Variants in CNBD1 observed in about 807,000 individuals in gnomAD.
CNBD1 encodes cyclic nucleotide-binding domain-containing protein 1.
CNBD1 carries 71 observed loss-of-function variants against 54.4 expected under a neutral mutation model. The ratio of observed to expected loss-of-function variants is 1.30; its 90% CI spans 1.08 to 1.59. The LOEUF is 1.59. CNBD1 is among the 40% of genes most tolerant of loss of function. CNBD1 has a pLI of 0.00. For missense variants in CNBD1, 659 were observed against 518.0 expected (o/e 1.27, Z -2.64); for synonymous variants, 182 against 170.7 (o/e 1.07, Z -0.51).
chr8:87,071,662 C>T (rs1810761789), intron 4 of CNBD1, among the ~76,000 whole-genome samples: 2 of 152,080 alleles, frequency 1.3e-5, no homozygotes, highest in Admixed American at 1.3e-4. Context: ...AATTTGATTG[C>T]ACTGTGGTTT....
rs1358170721 is a variant in CNBD1, at chr8:87,382,691, A to T, written c.*64A>T. ...ATTGACTAAATAATGGAATAATTGC[A>T]TTCTGGAATACTATCAAACTACCAG... On this transcript the variant is annotated 3_prime_UTR_variant, in exon 11 of 11. Coordinates refer to ENST00000518476, the MANE Select transcript of CNBD1 (RefSeq NM_173538.3). The T allele has an allele frequency of 5.8e-6, 7 of 1,202,384 alleles. No homozygotes were observed. Among genetic ancestry groups the T allele is most frequent in the East Asian group, 5.1e-5 (2 of 38,884 alleles). 74.5% of individuals were successfully genotyped at this position (1,202,384 alleles called of 1,614,324 possible).
intron 4 of CNBD1, among the ~76,000 whole-genome samples, chr8:87,137,605 G>A (rs2130734859): frequency 6.6e-6 from 1 of 152,260 alleles, no homozygotes; most frequent in African/African-American, 2.4e-5. Context: ...CCAAAACCAA[G>A]GAGTCAGGGA....
chr8:87,328,161 G>A (rs1809726360), intron 8 of CNBD1, among the ~76,000 whole-genome samples: 1 of 151,802 alleles, frequency 6.6e-6, no homozygotes, highest in South Asian at 2.1e-4. Flanking sequence ...AACAGGCCCT[G>A]GTGTGTGATG....
chr8:87,278,026 A>G (rs1408329096), intron 6 of CNBD1, among the ~76,000 whole-genome samples: 8 of 151,706 alleles, frequency 5.3e-5, no homozygotes, highest in Non-Finnish European at 7.4e-5. Flanking sequence ...TTCATAACTT[A>G]AAAATGTAAA....
At chr8:87,376,195 A>C (rs925618324) in intron 10 of CNBD1, among the ~76,000 whole-genome samples, 1 of 151,956 alleles carries the variant, frequency 6.6e-6, no homozygotes, top group Non-Finnish European at 1.5e-5. Context: ...TGGCTTAAAC[A>C]ACAAACGTTT....
At chr8:87,233,631 A>G (rs1181987402) in intron 5 of CNBD1, among the ~76,000 whole-genome samples, 1 of 151,830 alleles carries the variant, frequency 6.6e-6, no homozygotes, top group Non-Finnish European at 1.5e-5. Flanking sequence ...GTTGCAGCAA[A>G]TTCTCTCTCT....
At chr8:86,879,851 G>A (rs543969201) in intron 1 of CNBD1, among the ~76,000 whole-genome samples, 67 of 147,890 alleles carry the variant, frequency 4.5e-4, no homozygotes, top group African/African-American at 1.6e-3. Flanking sequence ...CAGCCTGGGC[G>A]ACAGAGCGAG....
chr8:86,916,712 T>C (rs1016471206), intron 3 of CNBD1, among the ~76,000 whole-genome samples: 1 of 148,748 alleles, frequency 6.7e-6, no homozygotes, highest in Admixed American at 6.7e-5. Context: ...TTATTTTTTA[T>C]TTTTTTTTTG....
chr8:86,937,050 G>A (rs544158581), intron 3 of CNBD1, among the ~76,000 whole-genome samples: 1 of 152,254 alleles, frequency 6.6e-6, no homozygotes, highest in African/African-American at 2.4e-5. Flanking sequence ...AGATATACCT[G>A]AGACTGAGTA....
chr8:86,960,723 A>AGACATCTCCCAGTGGGGGCCAAGT (rs1807908527), intron 4 of CNBD1, among the ~76,000 whole-genome samples: 2 of 152,162 alleles, frequency 1.3e-5, no homozygotes, highest in South Asian at 4.1e-4. Flanking sequence ...CCTAACTGGG[A>AGACATCTCCCAGTGGGGGCCAAGT]GACATCTCCC....
intron 2 of CNBD1, among the ~76,000 whole-genome samples, chr8:87,414,745 G>T (rs1054128268): frequency 6.6e-6 from 1 of 151,560 alleles, no homozygotes; most frequent in African/African-American, 2.4e-5. Flanking sequence ...CAAAATTACT[G>T]GTGTGACTTG....
At chr8:87,407,299 T>C (rs1480814043) in intron 2 of CNBD1, among the ~76,000 whole-genome samples, 1 of 152,102 alleles carries the variant, frequency 6.6e-6, no homozygotes, top group Non-Finnish European at 1.5e-5. Flanking sequence ...TTGTCCACTT[T>C]TGTGTTTTCA....
intron 10 of CNBD1, among the ~76,000 whole-genome samples, chr8:87,381,394 A>T (rs1032881122): frequency 6.6e-6 from 1 of 152,004 alleles, no homozygotes; most frequent in Non-Finnish European, 1.5e-5. Context: ...GTTGACAGGG[A>T]TGTGGAGAAA....
chr8:87,426,107 T>G (rs1462881198), intron 2 of CNBD1, among the ~76,000 whole-genome samples: 1 of 152,208 alleles, frequency 6.6e-6, no homozygotes, highest in Non-Finnish European at 1.5e-5. Context: ...ACCCCTTTCT[T>G]TGACTAGGAA....
chr8:87,357,390 G>A (rs1810440551), intron 10 of CNBD1, among the ~76,000 whole-genome samples: 1 of 152,178 alleles, frequency 6.6e-6, no homozygotes, highest in Non-Finnish European at 1.5e-5. Context: ...ATCCAGCAAA[G>A]CTGCAAGGGT....
At chr8:87,260,446 A>C (rs1402198133) in intron 6 of CNBD1, among the ~76,000 whole-genome samples, 1 of 152,192 alleles carries the variant, frequency 6.6e-6, no homozygotes, top group African/African-American at 2.4e-5. Context: ...TCCTGGACAC[A>C]GAAAAACAAA....
At chr8:87,105,846 G>A (rs556823515) in intron 4 of CNBD1, among the ~76,000 whole-genome samples, 5 of 151,968 alleles carry the variant, frequency 3.3e-5, no homozygotes, top group South Asian at 2.1e-4. Flanking sequence ...AGGAGGTCTC[G>A]GTATCTTCAC....
chr8:86,876,234 T>C (rs534423606), intron 1 of CNBD1, among the ~76,000 whole-genome samples: 1 of 151,812 alleles, frequency 6.6e-6, no homozygotes, highest in African/African-American at 2.4e-5. Context: ...GAAAACTGCT[T>C]TGAGATTATT....
intron 10 of CNBD1, among the ~76,000 whole-genome samples, chr8:87,371,605 T>C (rs1269290770): frequency 6.6e-6 from 1 of 151,964 alleles, no homozygotes; most frequent in African/African-American, 2.4e-5. Flanking sequence ...ACTGGCAAAC[T>C]GAATCCAGCA....
Sources: gnomAD v4.1 joint callset for allele counts (sites outside exome capture counted in the v4.1 genomes callset) on GRCh38, gnomAD v4.1.1 for gene constraint, MANE v1.5 for transcripts, NCBI Gene and HGNC (gene_info 2026-07-23, HGNC 2026-07-21) for gene names.